PARP1: variants seen among roughly 807,000 people sequenced by gnomAD.
PARP1 encodes poly(ADP-ribose) polymerase 1.
In PARP1, 44 loss-of-function variants were observed where a neutral mutation model predicts 118.7. The ratio of observed to expected loss-of-function variants is 0.37; its 90% CI spans 0.29 to 0.48. The LOEUF (loss-of-function observed/expected upper bound fraction) is 0.48. Among genes scored for constraint, PARP1 ranks in the 20% least tolerant of loss-of-function variants. The pLI, the probability that PARP1 is intolerant of heterozygous loss-of-function variation, is 0.99. For synonymous variants in PARP1, 492 were observed against 483.2 expected (o/e 1.02, Z -0.24); for missense variants, 1,100 against 1,272.4 (o/e 0.86, Z 2.06).
At position 226,366,099 on chromosome 1, in the gene PARP1, G is replaced by A. The variant is rs746967108; in HGVS notation, c.2407-47C>T. 33 of 1,288,584 alleles carry A rather than the reference G, an allele frequency of 2.6e-5. No homozygotes were observed. The Admixed American group carries it at 5.4e-4, about 21-fold the overall frequency. 79.8% of individuals were successfully genotyped at this position (1,288,584 alleles called of 1,614,324 possible). A position where few individuals can be genotyped will look rare whatever the true frequency, so the allele number is the denominator to read the frequency against. ...ATTAGCACAAAAGAGACCCAGGAGA[G>A]CTACAGAGGAGGAATGCTCAGGCTC... On this transcript the variant is annotated intron_variant, in intron 17 of 22. Coordinates refer to ENST00000366794, the MANE Select transcript of PARP1 (RefSeq NM_001618.4).
intron 6 of PARP1, among the ~76,000 whole-genome samples, chr1:226,385,931 A>G (rs1357827051): frequency 6.6e-6 from 1 of 152,190 alleles, no homozygotes; most frequent in Middle Eastern, 3.2e-3. Flanking sequence ...TTAGAAATGA[A>G]GGGAAAGCAA....
At chr1:226,401,234 CG>C in intron 2 of PARP1, among the ~76,000 whole-genome samples, 1 of 152,268 alleles carries the variant, frequency 6.6e-6, no homozygotes, top group African/African-American at 2.4e-5. Context: ...TTGGCCTGGG[CG>C]GGTCCTTGGC....
chr1:226,393,290 A>C (rs1400735571), intron 2 of PARP1, among the ~76,000 whole-genome samples: 1 of 152,224 alleles, frequency 6.6e-6, no homozygotes, highest in African/African-American at 2.4e-5. Context: ...CAAGATCTCT[A>C]CACTAAAAGC....
intron 6 of PARP1, 78 bp downstream of exon 6, chr1:226,386,248 C>T (rs946472784): frequency 1.2e-6 from 1 of 866,142 alleles, no homozygotes; most frequent in Non-Finnish European, 2.0e-6. Context: ...GGGCCTCCCA[C>T]ACTCCATTGG....
At chr1:226,362,196 T>C in intron 21 of PARP1, 113 bp from the exon 22 acceptor site, 1 of 694,380 alleles carries the variant, frequency 1.4e-6, no homozygotes, top group Non-Finnish European at 2.6e-6. Context: ...TTTTTTTTTT[T>C]TTCCTTTTTG....
Position 226,367,555 on chromosome 1 carries a change from C to G in PARP1, c.2331G>C (p.Leu777=). The G allele has an allele frequency of 6.2e-7, 1 of 1,614,174 alleles. No homozygotes were observed. The change falls in exon 17 of 23, where the codon CTG becomes CTC. Residue 777 remains leucine, a synonymous_variant. Transcript: ENST00000366794. ...TGCTATCATCAGACCCTCCCCTGAG[C>G]AGACTGTAGGCCACCTCGATGTCCA... ...NLLDIEVAYS[L]LRGGSDDSSK... is the part of the protein sequence containing the mutation.
At chr1:226,395,815 T>G (rs1478933532) in intron 2 of PARP1, among the ~76,000 whole-genome samples, 3 of 152,196 alleles carry the variant, frequency 2.0e-5, no homozygotes, top group African/African-American at 7.2e-5. Context: ...CTGAGTGAAG[T>G]AAGCCAGACA....
At chr1:226,400,283 A>G (rs749121204) in intron 2 of PARP1, among the ~76,000 whole-genome samples, 1 of 152,198 alleles carries the variant, frequency 6.6e-6, no homozygotes, top group African/African-American at 2.4e-5. Flanking sequence ...TGGGCAACAG[A>G]GTGAGACTCC....
intron 1 of PARP1, among the ~76,000 whole-genome samples, chr1:226,402,654 G>A (rs1261013711): frequency 1.3e-5 from 2 of 152,204 alleles, no homozygotes; most frequent in African/African-American, 4.8e-5. Context: ...CGAGAAAGGT[G>A]GCCTTTTACC....
chr1:226,407,143 A>G (rs1246482668), intron 1 of PARP1, among the ~76,000 whole-genome samples: 1 of 151,546 alleles, frequency 6.6e-6, no homozygotes, highest in South Asian at 2.1e-4. Context: ...CACATGAGAA[A>G]CCCCCCTGGA....
intron 2 of PARP1, among the ~76,000 whole-genome samples, chr1:226,394,658 A>T (rs904551746): frequency 6.6e-6 from 1 of 152,236 alleles, no homozygotes; most frequent in Non-Finnish European, 1.5e-5. Context: ...TCACGCTTGT[A>T]GTCCCAGCTG....
Position 226,390,616 on chromosome 1 carries a change from C to T in PARP1, c.411G>A (p.Val137=), listed in dbSNP as rs371842792. The T allele has an allele frequency of 1.9e-6, 3 of 1,614,018 alleles. No homozygotes were observed. The African/African-American group carries it at 4.0e-5, about 22-fold the overall frequency. Residue 137 remains valine, a synonymous_variant, in exon 4 of 23, where the codon GTG becomes GTA. Transcript: ENST00000366794. Reference sequence around the variant, plus strand: ...GGTCCACCATCTTCTTGGACAGGCGCACCTGGCCCTGCAGGAAAAACCATA... The same window carrying T: ...GGTCCACCATCTTCTTGGACAGGCGTACCTGGCCCTGCAGGAAAAACCATA... ...GCMEKIEKGQ[V]RLSKKMVDPE... is the part of the protein sequence containing the mutation.
chr1:226,370,414 C>T lies in PARP1; in HGVS notation c.2154+20G>A. ...GGCCAGAGGAGGGTTCCAGGAGGCC[C>T]CTGGTAGCCCTGTGCTTACCTGCTG... On this transcript the variant is annotated intron_variant, in intron 15 of 22. Transcript: ENST00000366794. The T allele has an allele frequency of 6.3e-7, 1 of 1,598,174 alleles. No homozygotes were observed. Among genetic ancestry groups the T allele is most frequent in the Non-Finnish European group, 8.6e-7 (1 of 1,165,464 alleles).
intron 1 of PARP1, 147 bp from the exon 2 acceptor site, chr1:226,402,526 G>A (rs999253071): frequency 7.8e-6 from 6 of 773,778 alleles, no homozygotes; most frequent in Non-Finnish European, 1.3e-5. Context: ...GTGAAAGGAG[G>A]ACAGCCTCCG....
At chr1:226,388,865 C>A (rs1414164296) in intron 4 of PARP1, 110 bp from the exon 5 acceptor site, 2 of 846,904 alleles carry the variant, frequency 2.4e-6, no homozygotes, top group East Asian at 2.4e-5. Flanking sequence ...CCCTGTAGGG[C>A]CTACTCACAC....
At position 226,379,215 on chromosome 1, in the gene PARP1, C is replaced by G; in HGVS notation, c.1672G>C (p.Gly558Arg). The change falls in exon 12 of 23, where the codon GGC (glycine) becomes CGC (arginine). Residue 558 changes from glycine (G) to arginine (R), a missense_variant. By Grantham distance (125) the Gly-to-Arg change is moderately radical (BLOSUM62 -2). Around this residue, in one of 2 missense-constraint regions of PARP1, gnomAD observed 948 missense variants for 1,031.8 expected, o/e 0.92. Coordinates refer to ENST00000366794, the MANE Select transcript of PARP1 (RefSeq NM_001618.4). ...KGGKVFSATLGLVDIVKGTNS... is the reference protein window; with the variant it reads ...KGGKVFSATLRLVDIVKGTNS... ...GTTCCTTTAACGATGTCCACCAGGC[C>G]AAGGGTGGCACTGAAGACCTTCCCA... is the stretch of plus-strand genomic sequence containing the variant. The G allele has an allele frequency of 6.2e-7, 1 of 1,614,118 alleles. No individual in the cohort carries two copies. Among genetic ancestry groups the G allele is most frequent in the Non-Finnish European group, 8.5e-7 (1 of 1,179,946 alleles).
At chr1:226,370,632 TG>T in intron 14 of PARP1, 115 bp from the exon 15 acceptor site, 1 of 820,334 alleles carries the variant, frequency 1.2e-6, no homozygotes, top group Admixed American at 1.8e-5. Flanking sequence ...AGGAGCCTGC[TG>T]GGATTTCCTG....
At chr1:226,383,306 T>A in intron 7 of PARP1, 123 bp from the exon 8 acceptor site, 1 of 779,714 alleles carries the variant, frequency 1.3e-6, no homozygotes, top group Non-Finnish European at 2.2e-6. Flanking sequence ...CAATAAAGAG[T>A]AACAAAAAAT....
At chr1:226,364,241 G>T in intron 19 of PARP1, 171 bp from the exon 20 acceptor site, 1 of 654,556 alleles carries the variant, frequency 1.5e-6, no homozygotes, top group Non-Finnish European at 2.8e-6. Context: ...CACAAGCCAG[G>T]CTGTCAGATC....
Sources: gnomAD v4.1 joint callset for allele counts (sites outside exome capture counted in the v4.1 genomes callset) on GRCh38, gnomAD v4.1.1 for gene constraint, gnomAD v4.1.1 regional missense constraint, MANE v1.5 for transcripts, NCBI Gene and HGNC (gene_info 2026-07-23, HGNC 2026-07-21) for gene names.